BRAF: variants seen among roughly 807,000 people sequenced by gnomAD.
BRAF encodes the protein B-Raf proto-oncogene, serine/threonine kinase.
BRAF carries 16 observed loss-of-function variants against 104.6 expected under a neutral mutation model. The observed-to-expected ratio is 0.15, with a 90% CI of 0.10 to 0.23. The LOEUF (loss-of-function observed/expected upper bound fraction) is 0.23, where lower values mean the gene tolerates loss of function less well. BRAF is among the 10% of genes least tolerant of loss of function. The pLI is 1.00. For synonymous variants in BRAF, 310 were observed against 341.6 expected, an observed-to-expected ratio of 0.91 and a Z score of 1.02; for missense variants, 541 against 937.3, an observed-to-expected ratio of 0.58 and a Z score of 5.52.
At chr7:140,800,312 A>C in intron 7 of BRAF, 50 bp downstream of exon 7, 1 of 1,613,258 alleles carries the variant, frequency 6.2e-7, no homozygotes, top group Non-Finnish European at 8.5e-7. Context: ...GAGATCCAAA[A>C]GAAAGCGGTT....
chr7:140,728,990 C>T (rs943507713), intron 19 of BRAF, among the ~76,000 whole-genome samples: 2 of 151,088 alleles, frequency 1.3e-5, no homozygotes, highest in Non-Finnish European at 2.9e-5. Flanking sequence ...CTTCAGGAGG[C>T]CGAGGCAGGA....
chr7:140,880,468 T>TCTTGCCC (rs1812773785), intron 1 of BRAF, among the ~76,000 whole-genome samples: 1 of 152,162 alleles, frequency 6.6e-6, no homozygotes, highest in Non-Finnish European at 1.5e-5. Context: ...CCACAAGCAT[T>TCTTGCCC]AGAATGAACT....
At chr7:140,778,996 A>G (rs926159550) in intron 12 of BRAF, among the ~76,000 whole-genome samples, 1 of 152,248 alleles carries the variant, frequency 6.6e-6, no homozygotes, top group African/African-American at 2.4e-5. Context: ...GCAACAGATG[A>G]AAGAAGAAAT....
intron 7 of BRAF, among the ~76,000 whole-genome samples, chr7:140,797,066 T>C (rs2129040565): frequency 6.6e-6 from 1 of 152,290 alleles, no homozygotes; most frequent in South Asian, 2.1e-4. Context: ...ACTTATACCC[T>C]ATGAAGTATC....
At chr7:140,898,722 T>C (rs1252509888) in intron 1 of BRAF, among the ~76,000 whole-genome samples, 1 of 152,228 alleles carries the variant, frequency 6.6e-6, no homozygotes, top group East Asian at 1.9e-4. Context: ...CCTGAGGTAG[T>C]CACTATCACT....
At chr7:140,894,011 G>A (rs1371071838) in intron 1 of BRAF, among the ~76,000 whole-genome samples, 1 of 152,156 alleles carries the variant, frequency 6.6e-6, no homozygotes, top group Non-Finnish European at 1.5e-5. Context: ...GCACATGTCT[G>A]TAGTCCCAGC....
At chr7:140,756,264 T>A (rs6464037) in intron 14 of BRAF, among the ~76,000 whole-genome samples, 45,839 of 152,068 alleles carry the variant, frequency 0.3, 10,991 homozygotes, top group African/African-American at 0.67. Flanking sequence ...AATCCTTTAT[T>A]ACTTACAAAC....
At chr7:140,908,693 G>A (rs930334769) in intron 1 of BRAF, among the ~76,000 whole-genome samples, 1 of 152,190 alleles carries the variant, frequency 6.6e-6, no homozygotes, top group African/African-American at 2.4e-5. Context: ...ATGGATATGG[G>A]AGTGTGTAGA....
chr7:140,911,093 A>G (rs1289075908), intron 1 of BRAF, among the ~76,000 whole-genome samples: 1 of 152,254 alleles, frequency 6.6e-6, no homozygotes, highest in Non-Finnish European at 1.5e-5. Flanking sequence ...TAGGTGAGTT[A>G]TAACTATGCA....
chr7:140,787,510 T>G (rs373455759), intron 9 of BRAF, 38 bp downstream of exon 9: 2 of 1,582,956 alleles, frequency 1.3e-6, no homozygotes, highest in Non-Finnish European at 1.7e-6. Context: ...AATTGCAGTT[T>G]CCTTGAGTTT....
At chr7:140,923,377 GTAA>G (rs1178966373) in intron 1 of BRAF, among the ~76,000 whole-genome samples, 2 of 151,962 alleles carry the variant, frequency 1.3e-5, no homozygotes, top group African/African-American at 2.4e-5. Flanking sequence ...ATTATTTTCT[GTAA>G]TAAAATACCA....
At position 140,819,805 on chromosome 7, in the gene BRAF, T is replaced by C. The variant is rs6977514; in HGVS notation, c.505-10810A>G. Among the ~76,000 whole-genome samples the C allele has an allele frequency of 7.7e-3, 1,170 of 152,204 alleles. 19 individuals are homozygous for C. The highest frequency in any genetic ancestry group is 0.027 in the African/African-American group (1,107 of 41,528). On this transcript the variant is annotated intron_variant, in intron 3 of 19. Coordinates refer to ENST00000644969, the MANE Select transcript of BRAF (RefSeq NM_001374258.1). Reference sequence around the variant, plus strand: ...CAAATCTATAGAGATAGGGAGCAAATGGGTGGTTACATAGGGATGGGAGGA... The same window carrying C: ...CAAATCTATAGAGATAGGGAGCAAACGGGTGGTTACATAGGGATGGGAGGA...
At chr7:140,910,048 G>A (rs1816798909) in intron 1 of BRAF, among the ~76,000 whole-genome samples, 1 of 152,068 alleles carries the variant, frequency 6.6e-6, no homozygotes, top group Non-Finnish European at 1.5e-5. Context: ...AATGCTAATA[G>A]TGTCCTCTTC....
intron 8 of BRAF, among the ~76,000 whole-genome samples, chr7:140,793,084 T>A (rs906889521): frequency 6.6e-6 from 1 of 152,052 alleles, no homozygotes; most frequent in Non-Finnish European, 1.5e-5. Context: ...GAGATGCACA[T>A]GAAAAGGTGA....
rs1182666718 is a variant in BRAF at position 140,726,014 on chromosome 7, G to T, written c.*480C>A. On this transcript the variant is annotated 3_prime_UTR_variant, in exon 20 of 20. Transcript: ENST00000644969. The stretch of plus-strand genomic sequence containing the variant: ...TCCATCCCTCAGAAACTAACTGGTG[G>T]TCACTAGGGGAAAGAGCTCCAAAAC... 10 of 1,069,120 alleles carry T rather than the reference G, an allele frequency of 9.4e-6. No homozygotes were observed. The highest frequency in any genetic ancestry group is 1.1e-5 in the Non-Finnish European group (10 of 882,064). The allele number at this position is 1,069,120 out of a possible 1,614,324, so 66.2% of individuals were successfully genotyped here. A position where few individuals can be genotyped will look rare whatever the true frequency, so the allele number is the denominator to read the frequency against.
intron 14 of BRAF, among the ~76,000 whole-genome samples, chr7:140,761,026 G>A (rs992508107): frequency 3.9e-5 from 6 of 152,122 alleles, no homozygotes; most frequent in African/African-American, 1.2e-4. Context: ...TCAGATTCAC[G>A]AAATACAGAG....
At chr7:140,894,338 T>C (rs1193140266) in intron 1 of BRAF, among the ~76,000 whole-genome samples, 1 of 152,052 alleles carries the variant, frequency 6.6e-6, no homozygotes, top group East Asian at 1.9e-4. Context: ...TAAAACAGAA[T>C]TAGAAATCAA....
At chr7:140,790,634 T>C (rs1189699615) in intron 8 of BRAF, among the ~76,000 whole-genome samples, 4 of 152,222 alleles carry the variant, frequency 2.6e-5, no homozygotes, top group Non-Finnish European at 5.9e-5. Flanking sequence ...ACACAGTCTG[T>C]AAAGAGTTAC....
At chr7:140,763,624 A>G (rs1214326940) in intron 14 of BRAF, among the ~76,000 whole-genome samples, 16 of 152,242 alleles carry the variant, frequency 1.1e-4, no homozygotes, top group South Asian at 2.1e-4. Context: ...TATCACCACC[A>G]ATCCCACAGA....
Sources: gnomAD v4.1 joint callset for allele counts (sites outside exome capture counted in the v4.1 genomes callset) on GRCh38, gnomAD v4.1.1 for gene constraint, MANE v1.5 for transcripts, NCBI Gene and HGNC (gene_info 2026-07-23, HGNC 2026-07-21) for gene names.